Variants in C17orf78 observed in about 807,000 individuals in gnomAD.
The protein encoded by C17orf78 is uncharacterized protein C17orf78.
In C17orf78, 27 loss-of-function variants were observed where a neutral mutation model predicts 31.8. The observed-to-expected ratio is 0.85, with a 90% CI of 0.63 to 1.17. C17orf78 has a LOEUF of 1.17. Ranked by LOEUF, C17orf78 falls within the 50% of genes most tolerant of loss-of-function variation. The pLI is 0.00. For missense variants in C17orf78, 258 were observed against 315.2 expected (o/e 0.82, Z 1.37); for synonymous variants, 106 against 115.1 (o/e 0.92, Z 0.51).
At chr17:37,377,697 AT>A (rs2050065394) in intron 1 of C17orf78, among the ~76,000 whole-genome samples, 181 bp from the exon 2 acceptor site, 4 of 151,066 alleles carry the variant, frequency 2.6e-5, no homozygotes, top group African/African-American at 4.9e-5. Flanking sequence ...AAATAAATAA[AT>A]AAATAAAAGT....
intron 6 of C17orf78, among the ~76,000 whole-genome samples, chr17:37,391,111 G>A (rs957597779): frequency 5.3e-5 from 8 of 151,900 alleles, no homozygotes; most frequent in South Asian, 4.2e-4. Context: ...GGTGGCACAC[G>A]CCAGTAATCC....
At chr17:37,377,511 T>C (rs1361025893) in intron 1 of C17orf78, among the ~76,000 whole-genome samples, 1 of 151,764 alleles carries the variant, frequency 6.6e-6, no homozygotes, top group Admixed American at 6.6e-5. Flanking sequence ...AATACAAAAA[T>C]TAGCTGGGCA....
intron 6 of C17orf78, among the ~76,000 whole-genome samples, chr17:37,390,304 T>TTTTATATATATATATA (rs1201500381): frequency 1.7e-4 from 3 of 17,974 alleles, no homozygotes; most frequent in African/African-American, 1.1e-3. Context: ...TTATACATAA[T>TTTTATATATATATATA]TATATATATA....
chr17:37,389,124 A>G, intron 5 of C17orf78, 122 bp from the exon 6 acceptor site: 1 of 1,297,890 alleles, frequency 7.7e-7, no homozygotes, highest in Non-Finnish European at 1.0e-6. Flanking sequence ...GATAGGTCCA[A>G]TAGGACTGAA....
chr17:37,390,757 C>T (rs1482390115), intron 6 of C17orf78, among the ~76,000 whole-genome samples: 2 of 149,662 alleles, frequency 1.3e-5, no homozygotes, highest in African/African-American at 4.9e-5. Flanking sequence ...CGAGCCACTG[C>T]ACTCCAGCCT....
intron 3 of C17orf78, among the ~76,000 whole-genome samples, chr17:37,381,794 A>C (rs1307694441): frequency 6.6e-6 from 1 of 151,392 alleles, no homozygotes; most frequent in Middle Eastern, 3.2e-3. Flanking sequence ...CACCCAGTTA[A>C]TTTTTTGTAT....
chr17:37,379,452 C>T (rs2050149327), intron 3 of C17orf78, 70 bp downstream of exon 3: 2 of 1,498,964 alleles, frequency 1.3e-6, no homozygotes, highest in Non-Finnish European at 9.0e-7. Flanking sequence ...AGCCAGAACT[C>T]CGTAGCAGGA....
At chr17:37,390,175 T>TATACACACACACAC (rs60788220) in intron 6 of C17orf78, among the ~76,000 whole-genome samples, 4 of 44,514 alleles carry the variant, frequency 9.0e-5, no homozygotes, top group African/African-American at 4.7e-4. Context: ...TATATATATA[T>TATACACACACACAC]ACACACACAC....
rs781607152 is a variant in C17orf78 at position 37,389,239 on chromosome 17, C to G, written c.634-7C>G. 2 of 1,573,176 alleles carry G rather than the reference C, an allele frequency of 1.3e-6. No homozygotes were observed. The highest frequency in any genetic ancestry group is 1.4e-5 in the African/African-American group (1 of 74,004). ...TCATATTAATACCAGTCATTTTCTC[C>G]CTTCAGTATCAATGCCTAGGAGCCA... is the stretch of plus-strand genomic sequence containing the variant. On this transcript the variant is annotated splice_region_variant and splice_polypyrimidine_tract_variant and intron_variant, in intron 5 of 6. Coordinates refer to ENST00000615133, the MANE Select transcript of C17orf78 (RefSeq NM_173625.5).
At chr17:37,385,158 A>G (rs1392057737) in intron 3 of C17orf78, among the ~76,000 whole-genome samples, 1 of 152,010 alleles carries the variant, frequency 6.6e-6, no homozygotes, top group Non-Finnish European at 1.5e-5. Flanking sequence ...TTCCCCACAC[A>G]GTAGCCCAGA....
At chr17:37,390,330 A>ATATACATATATATATATATATC (rs1386032855) in intron 6 of C17orf78, among the ~76,000 whole-genome samples, 12 of 41,582 alleles carry the variant, frequency 2.9e-4, no homozygotes, top group Non-Finnish European at 3.7e-4. Context: ...ATATATATAT[A>ATATACATATATATATATATATC]TATAAAAGGC....
At chr17:37,381,663 C>G (rs138041168) in intron 3 of C17orf78, among the ~76,000 whole-genome samples, 1 of 142,936 alleles carries the variant, frequency 7.0e-6, no homozygotes, top group Non-Finnish European at 1.5e-5. Flanking sequence ...AGTCTCGCTC[C>G]GTTGCCCAGG....
rs920119950 is a variant in C17orf78, at chr17:37,379,438, A to G, written c.391+56A>G. On this transcript the variant is annotated intron_variant, in intron 3 of 6. Transcript: ENST00000615133. ...ACTAACTTTTAGTTGACATCCTTGA[A>G]GGCAGCCAGAACTCCGTAGCAGGAA... 4 of 1,556,654 alleles carry G rather than the reference A, an allele frequency of 2.6e-6. No homozygotes were observed. In the African/African-American group the frequency reaches 5.5e-5, roughly 21 times the overall value.
chr17:37,380,768 T>C (rs1379014210), intron 3 of C17orf78, among the ~76,000 whole-genome samples: 4 of 152,032 alleles, frequency 2.6e-5, no homozygotes, highest in African/African-American at 7.2e-5. Context: ...TGGCTAATTT[T>C]TGTATTTTTA....
rs910107876 is a variant in C17orf78 at position 37,386,113 on chromosome 17, A to G, written c.496A>G (p.Thr166Ala). Residue 166 changes from threonine to alanine, a missense_variant, in exon 4 of 7, where the codon ACT (threonine) becomes GCT (alanine). Thr to Ala is a moderately conservative substitution (Grantham distance 58). Transcript: ENST00000615133. ...ITPGNKEGEK[T>A]TSTDTDENLE... is the part of the protein sequence containing the mutation. Reference sequence around the variant, plus strand: ...TCCTGGGAATAAAGAAGGAGAGAAAACTACAAGTACCGGTAATTTTTCTAG... The same window carrying G: ...TCCTGGGAATAAAGAAGGAGAGAAAGCTACAAGTACCGGTAATTTTTCTAG... The G allele has an allele frequency of 6.4e-7, 1 of 1,566,400 alleles. No homozygotes were observed. The highest frequency in any genetic ancestry group is 8.7e-7 in the Non-Finnish European group (1 of 1,143,602).
Position 37,392,350 on chromosome 17 carries a change from G to A in C17orf78, c.*626G>A, listed in dbSNP as rs778111602. The A allele has an allele frequency of 6.6e-6, 1 of 152,230 alleles. No homozygotes were observed. The highest frequency in any genetic ancestry group is 1.9e-4 in the East Asian group (1 of 5,204). The allele number at this position is 152,230 out of a possible 1,614,324, so 9.4% of individuals were successfully genotyped here. On this transcript the variant is annotated 3_prime_UTR_variant, in exon 7 of 7. Coordinates refer to ENST00000615133, the MANE Select transcript of C17orf78 (RefSeq NM_173625.5). Reference sequence around the variant, plus strand: ...CTGACGATCCAGAATTCCTAAGGTGGCTCTGATATTATATCATACTTTAAT... The same window carrying A: ...CTGACGATCCAGAATTCCTAAGGTGACTCTGATATTATATCATACTTTAAT...
chr17:37,389,429 G>C (rs2050692800), intron 6 of C17orf78, 67 bp downstream of exon 6: 10 of 1,530,500 alleles, frequency 6.5e-6, no homozygotes, highest in Non-Finnish European at 8.8e-6. Flanking sequence ...GGGCGTGGTG[G>C]CTCACACCTC....
intron 2 of C17orf78, among the ~76,000 whole-genome samples, chr17:37,378,533 T>C (rs1444949226): frequency 6.6e-6 from 1 of 150,694 alleles, no homozygotes; most frequent in Non-Finnish European, 1.5e-5. Flanking sequence ...ACCAACATAG[T>C]GAAACCCCAT....
chr17:37,379,406 G>C (rs757069743), intron 3 of C17orf78, 24 bp downstream of exon 3: 11 of 1,606,002 alleles, frequency 6.8e-6, no homozygotes, highest in Non-Finnish European at 9.4e-6. Flanking sequence ...AGAGGAAGGG[G>C]GCAGGCACTA....
Sources: allele counts gnomAD v4.1 joint callset (sites outside exome capture counted in the v4.1 genomes callset), GRCh38; gene constraint gnomAD v4.1.1; transcripts MANE v1.5; gene names NCBI Gene and HGNC (gene_info 2026-07-23, HGNC 2026-07-21).